RAPGEF4: variants seen among roughly 807,000 people sequenced by gnomAD.
RAPGEF4 encodes Rap guanine nucleotide exchange factor 4, also known as RAP guanine-nucleotide-exchange factor (GEF) 4.
RAPGEF4 carries 66 observed loss-of-function variants against 147.9 expected under a neutral mutation model. That is an observed-to-expected ratio of 0.45 (90% CI 0.37 to 0.55). RAPGEF4 has a LOEUF of 0.55. Among genes scored for constraint, RAPGEF4 ranks in the 20% least tolerant of loss-of-function variants. The pLI is 0.00. For synonymous variants in RAPGEF4, 419 were observed against 442.7 expected (o/e 0.95, Z 0.67); for missense variants, 1,071 against 1,257.3 (o/e 0.85, Z 2.24).
intron 26 of RAPGEF4, among the ~76,000 whole-genome samples, chr2:173,032,476 G>C (rs901921142): frequency 6.6e-6 from 1 of 152,196 alleles, no homozygotes; most frequent in Non-Finnish European, 1.5e-5. Flanking sequence ...TAAAGAAAGA[G>C]AACAGATGAC....
chr2:172,819,877 G>A (rs941795088), intron 4 of RAPGEF4, among the ~76,000 whole-genome samples: 2 of 152,126 alleles, frequency 1.3e-5, no homozygotes, highest in Non-Finnish European at 2.9e-5. Flanking sequence ...TGTAAGTTTG[G>A]GAGTTTAAAG....
intron 1 of RAPGEF4, among the ~76,000 whole-genome samples, chr2:172,740,398 T>C (rs1246949951): frequency 1.3e-5 from 2 of 152,202 alleles, no homozygotes; most frequent in South Asian, 2.1e-4. Flanking sequence ...ATTCAAAAGG[T>C]TGTGATCTTT....
intron 1 of RAPGEF4, among the ~76,000 whole-genome samples, chr2:172,787,364 A>G (rs756005331): frequency 2.6e-5 from 4 of 152,216 alleles, no homozygotes; most frequent in Non-Finnish European, 4.4e-5. Flanking sequence ...AAATATTTTT[A>G]GTTTTAGCCT....
At position 172,822,906 on chromosome 2, in the gene RAPGEF4, A is replaced by G. The variant is rs1034193946; in HGVS notation, c.444+8481A>G. Among the ~76,000 whole-genome samples, 71 of 152,180 alleles carry G rather than the reference A, an allele frequency of 4.7e-4. 1 individual carries two copies. The highest frequency in any genetic ancestry group is 3.9e-3 in the Admixed American group (59 of 15,284). ...GAATTGATGCCACGTTAAACATTTC[A>G]TCTCTAAGAAGCTTCTGTCACATTC... is the stretch of plus-strand genomic sequence containing the variant. On this transcript the variant is annotated intron_variant, in intron 4 of 30. Coordinates refer to ENST00000397081, the MANE Select transcript of RAPGEF4 (RefSeq NM_007023.4).
At chr2:173,048,438 T>G (rs1462553642) in intron 29 of RAPGEF4, 162 bp from the exon 30 acceptor site, 1 of 1,417,258 alleles carries the variant, frequency 7.1e-7, no homozygotes, top group Non-Finnish European at 9.2e-7. Flanking sequence ...TTGAAATAAT[T>G]AAACAAGTTA....
intron 4 of RAPGEF4, among the ~76,000 whole-genome samples, chr2:172,873,406 A>G (rs938328079): frequency 2.0e-5 from 3 of 152,222 alleles, no homozygotes; most frequent in Admixed American, 2.0e-4. Flanking sequence ...ACTGTCATCC[A>G]TATTATAACC....
Position 173,016,809 on chromosome 2 carries a change from A to G in RAPGEF4, c.1899-365A>G, listed in dbSNP as rs1305964816. Among the ~76,000 whole-genome samples the G allele has an allele frequency of 3.3e-5, 5 of 152,338 alleles. No individual in the cohort carries two copies. In the South Asian group the frequency reaches 8.3e-4, roughly 25 times the overall value. On this transcript the variant is annotated intron_variant, in intron 19 of 30. Coordinates refer to ENST00000397081, the MANE Select transcript of RAPGEF4 (RefSeq NM_007023.4). ...ATGGAAAATTCACTAACTGCTGCCA[A>G]AGCTGTTGGTGGTGAATATTTGTGT...
At chr2:172,901,492 G>T (rs989189256) in intron 4 of RAPGEF4, among the ~76,000 whole-genome samples, 5 of 152,176 alleles carry the variant, frequency 3.3e-5, no homozygotes, top group Non-Finnish European at 7.3e-5. Context: ...TATGTTTGTA[G>T]GTCTTCATGC....
chr2:172,829,300 C>T (rs936925225), intron 4 of RAPGEF4, among the ~76,000 whole-genome samples: 2 of 152,156 alleles, frequency 1.3e-5, no homozygotes, highest in East Asian at 1.9e-4. Flanking sequence ...GCTGTCAGGC[C>T]GGGGTTCTTG....
chr2:172,759,922 G>A (rs376405725), intron 1 of RAPGEF4, among the ~76,000 whole-genome samples: 1 of 152,230 alleles, frequency 6.6e-6, no homozygotes, highest in African/African-American at 2.4e-5. Context: ...AGAAAAGGCA[G>A]ACTGGCTTGG....
In RAPGEF4 at chr2:172,796,730, G is replaced by A. The variant is rs1374649240; in HGVS notation, c.209-795G>A. ...GCTTGCTCTTCTCCAATAAGCACTAGCCTTGCCAGGACTCGGTTGTCCCAC... is the reference window on the plus strand; with the variant it reads ...GCTTGCTCTTCTCCAATAAGCACTAACCTTGCCAGGACTCGGTTGTCCCAC... On this transcript the variant is annotated intron_variant, in intron 2 of 30. Transcript: ENST00000397081. Among the ~76,000 whole-genome samples the A allele has an allele frequency of 2.6e-5, 4 of 152,234 alleles. No homozygotes were observed. The East Asian group carries it at 7.7e-4, about 29-fold the overall frequency.
intron 15 of RAPGEF4, among the ~76,000 whole-genome samples, chr2:172,994,774 G>T (rs772712096): frequency 6.6e-6 from 1 of 152,094 alleles, no homozygotes; most frequent in Non-Finnish European, 1.5e-5. Flanking sequence ...CCTCAAATAT[G>T]CATTGCCCAC....
At chr2:172,874,517 C>A (rs988061284) in intron 4 of RAPGEF4, among the ~76,000 whole-genome samples, 3 of 152,028 alleles carry the variant, frequency 2.0e-5, no homozygotes, top group African/African-American at 7.2e-5. Flanking sequence ...TTTGTCCTTG[C>A]GACAGTTTGC....
At chr2:172,743,268 C>A (rs903028023) in intron 1 of RAPGEF4, among the ~76,000 whole-genome samples, 1 of 152,086 alleles carries the variant, frequency 6.6e-6, no homozygotes, top group African/African-American at 2.4e-5. Context: ...AGGGAGACAG[C>A]GAGAGATCCA....
chr2:172,814,207 C>A, intron 3 of RAPGEF4, 72 bp from the exon 4 acceptor site: 1 of 1,464,486 alleles, frequency 6.8e-7, no homozygotes, highest in Non-Finnish European at 9.5e-7. Context: ...AATTATACTG[C>A]AGTTAAAGAA....
intron 25 of RAPGEF4, 110 bp downstream of exon 25, chr2:173,027,369 G>GGCCAAACACAGGGTCTTA (rs1445086578): frequency 1.2e-6 from 1 of 856,256 alleles, no homozygotes; most frequent in Non-Finnish European, 1.7e-6. Flanking sequence ...ACTGCTAGAG[G>GGCCAAACACAGGGTCTTA]GCCAAACACA....
intron 10 of RAPGEF4, among the ~76,000 whole-genome samples, chr2:172,973,241 T>C (rs1433331111): frequency 1.3e-5 from 2 of 151,370 alleles, no homozygotes; most frequent in East Asian, 1.9e-4. Flanking sequence ...GCCTCCCGAG[T>C]AGCTGGAACT....
intron 30 of RAPGEF4, among the ~76,000 whole-genome samples, chr2:173,049,587 G>A (rs1220111009): frequency 6.6e-6 from 1 of 152,320 alleles, no homozygotes; most frequent in South Asian, 2.1e-4. Flanking sequence ...GTTCTTCCTA[G>A]AGCAGGACTG....
chr2:172,736,609 C>T (rs982505691), intron 1 of RAPGEF4, among the ~76,000 whole-genome samples: 3 of 152,212 alleles, frequency 2.0e-5, no homozygotes, highest in Admixed American at 2.0e-4. Context: ...TGGGAGGCTG[C>T]TTTCGTCTTA....
Sources: gnomAD v4.1 joint callset for allele counts (sites outside exome capture counted in the v4.1 genomes callset) on GRCh38, gnomAD v4.1.1 for gene constraint, MANE v1.5 for transcripts, NCBI Gene and HGNC (gene_info 2026-07-23, HGNC 2026-07-21) for gene names.